Variants in RASGEF1B observed in about 807,000 individuals in gnomAD.
RASGEF1B encodes ras-GEF domain-containing family member 1B.
Under a neutral mutation model 65.7 loss-of-function variants are expected in RASGEF1B, and 30 were observed. That is an observed-to-expected ratio of 0.46 (90% confidence interval 0.34 to 0.62). RASGEF1B has a LOEUF of 0.62. Among genes scored for constraint, RASGEF1B ranks in the 20% least tolerant of loss-of-function variants. RASGEF1B has a pLI of 0.01. For missense variants in RASGEF1B, 495 were observed against 580.1 expected (o/e 0.85, Z 1.51); for synonymous variants, 175 against 194.8 (o/e 0.90, Z 0.85).
chr4:81,449,665 T>C (rs75997606), intron 4 of RASGEF1B, among the ~76,000 whole-genome samples: 1,963 of 152,324 alleles, frequency 0.013, 31 homozygotes, highest in African/African-American at 0.034. Flanking sequence ...TCCATTGGCT[T>C]TTAAAAAAAT....
Position 81,447,551 on chromosome 4 carries a change from CT to C in RASGEF1B, c.681del (p.Glu228AsnfsTer28). 6.2e-7 allele frequency: 1 copy of C among 1,614,002 alleles called. No individual in the cohort carries two copies. Among genetic ancestry groups the C allele is most frequent in the Non-Finnish European group, 8.5e-7 (1 of 1,179,918 alleles). On this transcript the variant is annotated frameshift_variant, in exon 6 of 14. Coordinates refer to ENST00000264400, the MANE Select transcript of RASGEF1B (RefSeq NM_152545.3). LOFTEE classifies it high-confidence loss of function. The part of the protein sequence containing the change: ...ELERLNYIGP[E>X]EFVQAFVQKD... ...TTCTGCACGAACGCCTGAACAAATT[CT>C]TCTGGCCCAATATAATTGAGCCTCT...
At chr4:81,460,336 T>C (rs1425348741) in intron 1 of RASGEF1B, among the ~76,000 whole-genome samples, 1 of 152,162 alleles carries the variant, frequency 6.6e-6, no homozygotes, top group Non-Finnish European at 1.5e-5. Flanking sequence ...ATTACTTGAA[T>C]TCCTAGGGAC....
At chr4:81,434,483 C>G (rs1025401853) in intron 11 of RASGEF1B, among the ~76,000 whole-genome samples, 156 bp downstream of exon 11, 1 of 152,108 alleles carries the variant, frequency 6.6e-6, no homozygotes, top group African/African-American at 2.4e-5. Flanking sequence ...TTCTCTTCTA[C>G]TTGGTATTGT....
At chr4:81,436,982 C>A (rs1171978360) in intron 10 of RASGEF1B, among the ~76,000 whole-genome samples, 6 of 152,162 alleles carry the variant, frequency 3.9e-5, no homozygotes, top group Non-Finnish European at 8.8e-5. Flanking sequence ...ATTACCTTTC[C>A]TTCTAACGTG....
intron 2 of RASGEF1B, 107 bp from the exon 3 acceptor site, chr4:81,457,728 C>T: frequency 1.5e-6 from 2 of 1,292,860 alleles, no homozygotes; most frequent in African/African-American, 1.5e-5. Flanking sequence ...AGTTCATATG[C>T]TGCAGTTTCA....
chr4:81,464,570 C>T (rs1722744393), intron 1 of RASGEF1B, among the ~76,000 whole-genome samples: 3 of 152,180 alleles, frequency 2.0e-5, no homozygotes, highest in East Asian at 1.9e-4. Context: ...TGGCTCTTAA[C>T]TCTTTAGGGA....
At position 81,449,192 on chromosome 4, in the gene RASGEF1B, C is replaced by A. The variant is rs7690171; in HGVS notation, c.439-908G>T. ...ATTCATTTCTGGCATCTGACCTCCA[C>A]TGGGCTCATAATCATTTCTTTTGCA... is the stretch of plus-strand genomic sequence containing the variant. On this transcript the variant is annotated intron_variant, in intron 4 of 13. Transcript: ENST00000264400. 8.0e-3 allele frequency among the ~76,000 whole-genome samples: 1,211 copies of A among 152,294 alleles called. 25 individuals are homozygous for A. Among genetic ancestry groups the A allele is most frequent in the African/African-American group, 0.028 (1,162 of 41,564 alleles).
At chr4:81,430,295 C>T (rs1721383505) in intron 13 of RASGEF1B, among the ~76,000 whole-genome samples, 1 of 152,124 alleles carries the variant, frequency 6.6e-6, no homozygotes, top group South Asian at 2.1e-4. Flanking sequence ...AGAGAGACTT[C>T]GTCTCAAACA....
At chr4:81,443,738 T>C (rs1323436846) in intron 8 of RASGEF1B, among the ~76,000 whole-genome samples, 1 of 152,270 alleles carries the variant, frequency 6.6e-6, no homozygotes, top group African/African-American at 2.4e-5. Context: ...TGTGTTCTTT[T>C]ACAAATCTTT....
intron 1 of RASGEF1B, among the ~76,000 whole-genome samples, chr4:81,466,770 A>AAGAAGAAAGAAAG (rs1553947088): frequency 2.8e-5 from 1 of 36,100 alleles, no homozygotes; most frequent in East Asian, 7.2e-4. Context: ...AAAAAAAAAA[A>AAGAAGAAAGAAAG]AAAGAAAGAA....
rs1721268469 is a variant in RASGEF1B, at chr4:81,427,538, G to A, written c.*230C>T. ...GGATTTTTAGAGGATTCTTTCTCAA[G>A]TGTCTTCAGTGAACATTTCAGTCTC... On this transcript the variant is annotated 3_prime_UTR_variant, in exon 14 of 14. Coordinates refer to ENST00000264400, the MANE Select transcript of RASGEF1B (RefSeq NM_152545.3). 1 of 472,176 alleles carries A rather than the reference G, an allele frequency of 2.1e-6. No homozygotes were observed. The highest frequency in any genetic ancestry group is 2.0e-5 in the African/African-American group (1 of 49,800). 29.2% of individuals were successfully genotyped at this position (472,176 alleles called of 1,614,324 possible).
At chr4:81,435,463 ATTTT>A (rs1200565994) in intron 10 of RASGEF1B, among the ~76,000 whole-genome samples, 1 of 78,354 alleles carries the variant, frequency 1.3e-5, no homozygotes, top group Non-Finnish European at 2.2e-5. Context: ...GCAGGCACCG[ATTTT>A]TTTTTTTTTT....
Position 81,457,542 on chromosome 4 carries a change from A to G in RASGEF1B, c.257T>C (p.Leu86Ser). Residue 86 changes from leucine to serine, a missense_variant, in exon 3 of 14, where the codon TTA becomes TCA. Coordinates refer to ENST00000264400, the MANE Select transcript of RASGEF1B (RefSeq NM_152545.3). The stretch of plus-strand genomic sequence containing the variant: ...ACTTAGTCTCTGGTGCTCAACACAT[A>G]AGTGGCAAACTTTGGCCATTAGCTC... ...PYELMAKVCH[L>S]CVEHQRLSDP... 1 of 1,614,162 alleles carries G rather than the reference A, an allele frequency of 6.2e-7. No individual in the cohort carries two copies. The highest frequency in any genetic ancestry group is 8.5e-7 in the Non-Finnish European group (1 of 1,180,006).
intron 12 of RASGEF1B, among the ~76,000 whole-genome samples, chr4:81,433,569 A>T (rs1393319021): frequency 6.6e-6 from 1 of 152,166 alleles, no homozygotes; most frequent in Non-Finnish European, 1.5e-5. Flanking sequence ...AGAAAAAAAA[A>T]ATTCTTCAAT....
intron 13 of RASGEF1B, 148 bp downstream of exon 13, chr4:81,432,151 C>A: frequency 2.0e-6 from 1 of 487,938 alleles, no homozygotes; most frequent in Non-Finnish European, 3.7e-6. Flanking sequence ...AGTGAGAATT[C>A]TGAGCCACAA....
chr4:81,466,776 A>G (rs1157188486), intron 1 of RASGEF1B, among the ~76,000 whole-genome samples: 2 of 136,218 alleles, frequency 1.5e-5, no homozygotes, highest in Non-Finnish European at 3.1e-5. Flanking sequence ...AAAAAAAAGA[A>G]AGAAAGAAAG....
chr4:81,427,728 C>T lies in RASGEF1B; in HGVS notation c.*40G>A, dbSNP rs1445951619. ...CAAAGGCCAGCCCCTCCATGATCTG[C>T]AGGAAGCAGCAGCAGCAGCAGGCAG... On this transcript the variant is annotated 3_prime_UTR_variant, in exon 14 of 14. Coordinates refer to ENST00000264400, the MANE Select transcript of RASGEF1B (RefSeq NM_152545.3). 4 of 1,612,612 alleles carry T rather than the reference C, an allele frequency of 2.5e-6. No individual in the cohort carries two copies. The African/African-American group carries it at 4.0e-5, about 16-fold the overall frequency.
intron 1 of RASGEF1B, among the ~76,000 whole-genome samples, chr4:81,461,142 A>C (rs563171014): frequency 6.6e-6 from 1 of 152,198 alleles, no homozygotes; most frequent in Non-Finnish European, 1.5e-5. Context: ...TTCCTCCTCA[A>C]ATTGCCAGGT....
At chr4:81,430,480 C>A (rs187361691) in intron 13 of RASGEF1B, among the ~76,000 whole-genome samples, 6 of 152,284 alleles carry the variant, frequency 3.9e-5, no homozygotes, top group African/African-American at 1.4e-4. Flanking sequence ...AATAAGGGAG[C>A]GCCTTGTAAT....
Sources: gnomAD v4.1 joint callset for allele counts (sites outside exome capture counted in the v4.1 genomes callset) on GRCh38, gnomAD v4.1.1 for gene constraint, MANE v1.5 for transcripts, NCBI Gene and HGNC (gene_info 2026-07-23, HGNC 2026-07-21) for gene names.